CBLIF: variants seen among roughly 807,000 people sequenced by gnomAD.
CBLIF encodes gastric intrinsic factor (vitamin B synthesis).
Under a neutral mutation model 44.9 loss-of-function variants are expected in CBLIF, and 24 were observed. That is an observed-to-expected ratio of 0.53 (90% CI 0.39 to 0.75). The LOEUF (loss-of-function observed/expected upper bound fraction) is 0.75, where lower values mean the gene tolerates loss of function less well. Among genes scored for constraint, CBLIF ranks in the 30% least tolerant of loss-of-function variants. CBLIF has a pLI of 0.00. For synonymous variants in CBLIF, 183 were observed against 190.9 expected (o/e 0.96, Z 0.34); for missense variants, 481 against 513.0 (o/e 0.94, Z 0.60).
chr11:59,834,289 T>TTTCC (rs2135085912), intron 7 of CBLIF, among the ~76,000 whole-genome samples: 3 of 140,984 alleles, frequency 2.1e-5, no homozygotes, highest in African/African-American at 7.9e-5. Flanking sequence ...TCTTTCTTTC[T>TTTCC]TTCTTTCTTT....
At position 59,842,588 on chromosome 11, in the gene CBLIF, G is replaced by A. The variant is rs1467312461; in HGVS notation, c.371-5C>T. On this transcript the variant is annotated splice_polypyrimidine_tract_variant and splice_region_variant and intron_variant, in intron 3 of 8. Coordinates refer to ENST00000257248, the MANE Select transcript of CBLIF (RefSeq NM_005142.3). ...CTGATGCTTCAGCGTTGGGGCCTCC[G>A]AAGGGGATAGAGAACCTTCATCAGA... 9.9e-6 allele frequency: 16 copies of A among 1,613,314 alleles called. No individual in the cohort carries two copies. The highest frequency in any genetic ancestry group is 6.7e-5 in the Admixed American group (4 of 59,998).
In CBLIF at chr11:59,831,732, C is replaced by T. The variant is rs144070828; in HGVS notation, c.1138G>A (p.Val380Ile). 778 of 1,608,588 alleles carry T rather than the reference C, an allele frequency of 4.8e-4. 3 individuals are homozygous for T. The Admixed American group carries it at 5.2e-3, about 11-fold the overall frequency. ...AACTGCCAGTATGTCTTGTGATTAA[C>T]ATTTTCCGCGATATTGTTGATAGAA... ...VSSINNIAEN[V>I]NHKTYWQFLS... Residue 380 changes from valine to isoleucine, a missense_variant, in exon 8 of 9, where the codon GTT (valine) becomes ATT (isoleucine). Transcript: ENST00000257248.
chr11:59,837,000 G>T (rs960777682), intron 6 of CBLIF, among the ~76,000 whole-genome samples, 174 bp downstream of exon 6: 3 of 152,222 alleles, frequency 2.0e-5, no homozygotes, highest in African/African-American at 7.2e-5. Flanking sequence ...AGTTCTGAGT[G>T]CAGGAAGGTA....
At chr11:59,844,343 G>A (rs1162234446) in intron 1 of CBLIF, among the ~76,000 whole-genome samples, 1 of 152,082 alleles carries the variant, frequency 6.6e-6, no homozygotes, top group Non-Finnish European at 1.5e-5. Context: ...TCACCATGTT[G>A]GCCAGGGTAG....
At chr11:59,829,621 G>A in intron 8 of CBLIF, 76 bp from the exon 9 acceptor site, 1 of 857,778 alleles carries the variant, frequency 1.2e-6, no homozygotes, top group Non-Finnish European at 2.0e-6. Flanking sequence ...GATGCAGTGA[G>A]CTAGATGCAG....
intron 4 of CBLIF, 102 bp from the exon 5 acceptor site, chr11:59,841,426 A>G: frequency 2.4e-6 from 2 of 848,700 alleles, no homozygotes. Flanking sequence ...CCATGATTTT[A>G]TTTGCTCCTC....
rs78603909 is a variant in CBLIF at position 59,832,178 on chromosome 11, A to G, written c.1074-382T>C. ...TCTTTGCTATTGTGAATCGTGCTGC[A>G]ATGGACATGGATGGAGGCCATTATC... On this transcript the variant is annotated intron_variant, in intron 7 of 8. Transcript: ENST00000257248. 7.0e-3 allele frequency among the ~76,000 whole-genome samples: 1,060 copies of G among 152,318 alleles called. 7 individuals carry two copies. The highest frequency in any genetic ancestry group is 0.011 in the Non-Finnish European group (775 of 68,028).
chr11:59,833,474 G>T (rs932647356), intron 7 of CBLIF, among the ~76,000 whole-genome samples: 2 of 151,144 alleles, frequency 1.3e-5, no homozygotes, highest in Non-Finnish European at 2.9e-5. Context: ...CCGAGATCGC[G>T]CCATTGCATT....
chr11:59,829,400 T>A lies in CBLIF; in HGVS notation c.*84A>T. 1 of 875,300 alleles carries A rather than the reference T, an allele frequency of 1.1e-6. No homozygotes were observed. Among genetic ancestry groups the A allele is most frequent in the Non-Finnish European group, 2.0e-6 (1 of 510,532 alleles). 54.2% of individuals were successfully genotyped at this position (875,300 alleles called of 1,614,324 possible). On this transcript the variant is annotated 3_prime_UTR_variant, in exon 9 of 9. Transcript: ENST00000257248. Reference sequence around the variant, plus strand: ...ATATGGTAGCATCACAGGCATTCGCTTTTTTGCATAGATTTAAAATGAAGT... The same window carrying A: ...ATATGGTAGCATCACAGGCATTCGCATTTTTGCATAGATTTAAAATGAAGT...
chr11:59,845,255 A>T, intron 1 of CBLIF, 120 bp downstream of exon 1: 1 of 1,447,310 alleles, frequency 6.9e-7, no homozygotes, highest in East Asian at 2.3e-5. Flanking sequence ...TCACACTCAG[A>T]CTTACCCATT....
Position 59,835,863 on chromosome 11 carries a change from C to T in CBLIF, c.1018G>A (p.Gly340Arg). ...TCTAGGACAACAAGTAACACTGACC[C>T]ACTTTTCACACTAACATTGATGGTC... is the stretch of plus-strand genomic sequence containing the variant. ...NETINVSVKS[G>R]SVLLVVLEEA... Residue 340 changes from glycine (G) to arginine (R), a missense_variant, in exon 7 of 9, where the codon GGG becomes AGG. Physicochemically the swap from Gly to Arg is moderately radical, Grantham distance 125 (BLOSUM62 -2). Transcript: ENST00000257248. 6.2e-7 allele frequency: 1 copy of T among 1,614,120 alleles called. No homozygotes were observed.
chr11:59,838,087 G>A (rs78203222), intron 5 of CBLIF, among the ~76,000 whole-genome samples: 3,603 of 152,146 alleles, frequency 0.024, 146 homozygotes, highest in African/African-American at 0.083. Flanking sequence ...CATGATTTGA[G>A]CCCTTTATTC....
In CBLIF at chr11:59,831,731, A is replaced by T; in HGVS notation, c.1139T>A (p.Val380Asp). ...AAACTGCCAGTATGTCTTGTGATTA[A>T]CATTTTCCGCGATATTGTTGATAGA... ...VSSINNIAEN[V>D]NHKTYWQFLS... is the part of the protein sequence containing the mutation. Residue 380 changes from valine to aspartate, a missense_variant, in exon 8 of 9, where the codon GTT (valine) becomes GAT (aspartate). By Grantham distance (152) the Val-to-Asp change is radical (BLOSUM62 -3). Transcript: ENST00000257248. The T allele has an allele frequency of 6.2e-7, 1 of 1,607,856 alleles. No individual in the cohort carries two copies.
In CBLIF at chr11:59,842,503, A is replaced by G. The variant is rs1379547679; in HGVS notation, c.451T>C (p.Leu151=). Residue 151 remains leucine, a synonymous_variant, in exon 4 of 9, where the codon TTG becomes CTG. Transcript: ENST00000257248. ...TTGGCAAAGCGGACGGCTATCGGCAAGGTCGCCTCAGAGTTCTTCTGGCAC... is the reference window on the plus strand; with the variant it reads ...TTGGCAAAGCGGACGGCTATCGGCAGGGTCGCCTCAGAGTTCTTCTGGCAC... The part of the protein sequence containing the change: ...ALCQKNSEAT[L]PIAVRFAKTL... The G allele has an allele frequency of 9.3e-6, 15 of 1,613,836 alleles. No homozygotes were observed. The South Asian group carries it at 1.6e-4, about 18-fold the overall frequency.
chr11:59,842,949 A>T lies in CBLIF; in HGVS notation c.370+79T>A, dbSNP rs1866556865. The T allele has an allele frequency of 3.4e-6, 3 of 882,084 alleles. No individual in the cohort carries two copies. The East Asian group carries it at 7.3e-5, about 21-fold the overall frequency. The allele number at this position is 882,084 out of a possible 1,614,324, so 54.6% of individuals were successfully genotyped here. A position where few individuals can be genotyped will look rare whatever the true frequency, so the allele number is the denominator to read the frequency against. On this transcript the variant is annotated intron_variant, in intron 3 of 8. Coordinates refer to ENST00000257248, the MANE Select transcript of CBLIF (RefSeq NM_005142.3). ...CTAACTTGCCTTTCTCTCCACCCCC[A>T]CCCTTTTCCTTTCTGGGTTTAAAAT...
intron 7 of CBLIF, 151 bp from the exon 8 acceptor site, chr11:59,831,947 C>T (rs1380145384): frequency 1.5e-6 from 1 of 648,842 alleles, no homozygotes; most frequent in Non-Finnish European, 2.8e-6. Flanking sequence ...TGGTGAGATC[C>T]TAGCTTATGG....
In CBLIF at chr11:59,831,654, C is replaced by T. The variant is rs183565729; in HGVS notation, c.1192+24G>A. On this transcript the variant is annotated intron_variant, in intron 8 of 8. Coordinates refer to ENST00000257248, the MANE Select transcript of CBLIF (RefSeq NM_005142.3). Reference sequence around the variant, plus strand: ...GTAGCCTTCAGACTATGGAAGATAACGCCTATGTCTTTTCTTCCCTCACCT... The same window carrying T: ...GTAGCCTTCAGACTATGGAAGATAATGCCTATGTCTTTTCTTCCCTCACCT... 659 of 959,280 alleles carry T rather than the reference C, an allele frequency of 6.9e-4. 4 individuals are homozygous for T. The African/African-American group carries it at 8.7e-3, about 13-fold the overall frequency. 59.4% of individuals were successfully genotyped at this position (959,280 alleles called of 1,614,324 possible). A position where few individuals can be genotyped will look rare whatever the true frequency, so the allele number is the denominator to read the frequency against.
chr11:59,836,049 G>T, intron 6 of CBLIF, 40 bp from the exon 7 acceptor site: 1 of 1,528,924 alleles, frequency 6.5e-7, no homozygotes, highest in Non-Finnish European at 9.1e-7. Context: ...AAAGATTATG[G>T]GGTTTGTATC....
chr11:59,845,035 A>T (rs1296733953), intron 1 of CBLIF, among the ~76,000 whole-genome samples: 1 of 151,108 alleles, frequency 6.6e-6, no homozygotes, highest in Non-Finnish European at 1.5e-5. Context: ...TTATTTATTT[A>T]TTTTTTTTGT....
Sources: allele counts gnomAD v4.1 joint callset (sites outside exome capture counted in the v4.1 genomes callset), GRCh38; gene constraint gnomAD v4.1.1; transcripts MANE v1.5; gene names NCBI Gene and HGNC (gene_info 2026-07-23, HGNC 2026-07-21).